Variants in ANK3 observed in about 807,000 individuals in gnomAD.
The protein encoded by ANK3 is ankyrin-3.
A neutral mutation model predicts 370.9 loss-of-function variants in ANK3; 57 were observed. That is an observed-to-expected ratio of 0.15 (90% CI 0.12 to 0.19). ANK3 has a LOEUF of 0.19. Ranked by LOEUF, ANK3 falls within the 10% of genes least tolerant of loss-of-function variation. The probability of loss-of-function intolerance (pLI) is 1.00; values close to 1 mark genes in which losing one functional copy is unlikely to be tolerated. For synonymous variants in ANK3, 1,929 were observed against 1,946.3 expected, an observed-to-expected ratio of 0.99 and a Z score of 0.23; for missense variants, 4,439 against 5,302.1, an observed-to-expected ratio of 0.84 and a Z score of 5.06.
Position 60,075,544 on chromosome 10 carries a change from C to A in ANK3, c.5337G>T (p.Arg1779Ser), listed in dbSNP as rs554105276. Reference sequence around the variant, plus strand: ...CTGATGGTGCTGCAGAAACATATGACCTGAGTGGGGAAAATGGCATTGCAG... The same window carrying A: ...CTGATGGTGCTGCAGAAACATATGAACTGAGTGGGGAAAATGGCATTGCAG... ...TTTAMPFSPL[R>S]SYVSAAPSAF... Residue 1779 changes from arginine to serine, a missense_variant, in exon 37 of 44, where the codon AGG becomes AGT. Arg to Ser is a moderately radical substitution (Grantham distance 110). Around this residue, in one of 13 missense-constraint regions of ANK3, gnomAD observed 679 missense variants for 791.0 expected, o/e 0.86. Transcript: ENST00000280772. 6.2e-7 allele frequency: 1 copy of A among 1,613,956 alleles called. No individual in the cohort carries two copies. Among genetic ancestry groups the A allele is most frequent in the South Asian group, 1.1e-5 (1 of 91,080 alleles).
At chr10:60,503,764 A>C (rs17816795) in intron 2 of ANK3, among the ~76,000 whole-genome samples, 12,289 of 152,228 alleles carry the variant, frequency 0.081, 621 homozygotes, top group South Asian at 0.18. Flanking sequence ...TGGTCTTTAC[A>C]AGCTGTTTCC....
At chr10:60,266,113 CCT>C (rs948392796) in intron 5 of ANK3, among the ~76,000 whole-genome samples, 3 of 151,978 alleles carry the variant, frequency 2.0e-5, no homozygotes, top group Admixed American at 1.3e-4. Flanking sequence ...AAGGTTATTC[CCT>C]GAAGCCTTAA....
intron 2 of ANK3, among the ~76,000 whole-genome samples, chr10:60,395,614 T>C (rs1353508409): frequency 1.4e-5 from 1 of 71,932 alleles, no homozygotes; most frequent in African/African-American, 6.8e-5. Flanking sequence ...CTTTCTCTCT[T>C]TCGTTCTCTC....
At chr10:60,093,298 A>G (rs3793854) in intron 28 of ANK3, among the ~76,000 whole-genome samples, 55,750 of 152,090 alleles carry the variant, frequency 0.37, 10,395 homozygotes, top group African/African-American at 0.41. Flanking sequence ...AGCTAAGCAG[A>G]TATTTTTTCA....
At chr10:60,228,812 A>G (rs1445237320) in intron 8 of ANK3, among the ~76,000 whole-genome samples, 1 of 152,198 alleles carries the variant, frequency 6.6e-6, no homozygotes, top group Admixed American at 6.5e-5. Context: ...AAAGCAGACA[A>G]CATTCTGACC....
chr10:60,135,128 C>T (rs1003675643), intron 24 of ANK3, among the ~76,000 whole-genome samples: 1 of 152,200 alleles, frequency 6.6e-6, no homozygotes. Context: ...TCAATAGAGT[C>T]AGGGCCCTTG....
At chr10:60,188,077 T>C (rs2096390202) in intron 16 of ANK3, among the ~76,000 whole-genome samples, 1 of 152,216 alleles carries the variant, frequency 6.6e-6, no homozygotes, top group African/African-American at 2.4e-5. Flanking sequence ...GGGCGTATAT[T>C]GTGTTATATT....
At chr10:60,706,772 T>G (rs752814279) in intron 1 of ANK3, among the ~76,000 whole-genome samples, 2 of 152,214 alleles carry the variant, frequency 1.3e-5, no homozygotes, top group Non-Finnish European at 2.9e-5. Context: ...ATTACTACTA[T>G]TATTTCCAGT....
intron 1 of ANK3, among the ~76,000 whole-genome samples, chr10:60,328,183 A>G (rs1483552905): frequency 6.6e-6 from 1 of 152,214 alleles, no homozygotes; most frequent in African/African-American, 2.4e-5. Context: ...AGAGACAACA[A>G]TTGAAACAAT....
intron 7 of ANK3, among the ~76,000 whole-genome samples, chr10:60,245,615 A>G (rs972382792): frequency 6.6e-6 from 1 of 152,168 alleles, no homozygotes; most frequent in Non-Finnish European, 1.5e-5. Flanking sequence ...ATCTTTTGTG[A>G]CTGGCTTCTT....
intron 1 of ANK3, among the ~76,000 whole-genome samples, chr10:60,306,338 A>C (rs1194708263): frequency 3.3e-5 from 5 of 152,018 alleles, no homozygotes; most frequent in Non-Finnish European, 5.9e-5. Flanking sequence ...TACTTCACTT[A>C]CAATAATGGC....
intron 1 of ANK3, among the ~76,000 whole-genome samples, chr10:60,657,339 A>C (rs1342388261): frequency 1.3e-5 from 2 of 152,080 alleles, no homozygotes; most frequent in Non-Finnish European, 2.9e-5. Flanking sequence ...ATCAGGAGAC[A>C]AGGTCTTGTT....
chr10:60,140,525 C>A, intron 23 of ANK3: 2 of 1,468,362 alleles, frequency 1.4e-6, no homozygotes, highest in Non-Finnish European at 1.8e-6. Context: ...ATCTTGATAT[C>A]CTCGTAGGCA....
At chr10:60,290,947 C>T (rs1414178329) in intron 1 of ANK3, among the ~76,000 whole-genome samples, 1 of 152,230 alleles carries the variant, frequency 6.6e-6, no homozygotes, top group Non-Finnish European at 1.5e-5. Flanking sequence ...AACATACCCT[C>T]ATCCAGTCTG....
chr10:60,703,880 C>T (rs1352622443), intron 1 of ANK3, among the ~76,000 whole-genome samples: 2 of 152,126 alleles, frequency 1.3e-5, no homozygotes, highest in East Asian at 1.9e-4. Flanking sequence ...TCCAGGTGTT[C>T]GTGCCCTTGT....
intron 16 of ANK3, among the ~76,000 whole-genome samples, chr10:60,189,755 C>A (rs1172515199): frequency 3.3e-5 from 5 of 152,106 alleles, no homozygotes; most frequent in Non-Finnish European, 5.9e-5. Flanking sequence ...AGGGTTTTTT[C>A]CCTCTTGATG....
intron 23 of ANK3, among the ~76,000 whole-genome samples, chr10:60,141,561 G>GTTTTTTTTTTTTT (rs36033791): frequency 4.3e-4 from 21 of 49,012 alleles, no homozygotes; most frequent in African/African-American, 1.8e-3. Flanking sequence ...TTCAATTGCT[G>GTTTTTTTTTTTTT]TTTTTTTTTT....
chr10:60,300,667 G>T (rs1160463137), intron 1 of ANK3: 3 of 613,616 alleles, frequency 4.9e-6, no homozygotes, highest in Non-Finnish European at 6.1e-6. Context: ...ATCAGCTGGG[G>T]ATTGTACCCT....
intron 2 of ANK3, among the ~76,000 whole-genome samples, chr10:60,473,554 A>G: frequency 6.6e-6 from 1 of 152,204 alleles, no homozygotes; most frequent in African/African-American, 2.4e-5. Context: ...GATAATAAGA[A>G]GATGAGTATG....
Sources: allele counts gnomAD v4.1 joint callset (sites outside exome capture counted in the v4.1 genomes callset), GRCh38; gene constraint gnomAD v4.1.1; regional missense constraint gnomAD v4.1.1; transcripts MANE v1.5; gene names NCBI Gene and HGNC (gene_info 2026-07-23, HGNC 2026-07-21).